The following DENND1B variants were observed in gnomAD, a reference collection of about 807,000 sequenced individuals.
The protein encoded by DENND1B is DENN domain-containing protein 1B.
A neutral mutation model predicts 90.1 loss-of-function variants in DENND1B; 59 were observed. That is an observed-to-expected ratio of 0.65 (90% CI 0.53 to 0.81). The LOEUF (loss-of-function observed/expected upper bound fraction) is 0.81. Among genes scored for constraint, DENND1B ranks in the 40% least tolerant of loss-of-function variants. The pLI is 0.00. For synonymous variants in DENND1B, 337 were observed against 324.6 expected (o/e 1.04, Z -0.41); for missense variants, 862 against 912.6 (o/e 0.94, Z 0.71).
chr1:197,539,515 A>T (rs796993380), intron 20 of DENND1B, among the ~76,000 whole-genome samples: 42 of 152,346 alleles, frequency 2.8e-4, no homozygotes, highest in African/African-American at 9.1e-4. Flanking sequence ...AAGAAGCTTT[A>T]ACTATTTATA....
chr1:197,620,001 TA>T (rs1462632226), intron 10 of DENND1B, among the ~76,000 whole-genome samples: 1 of 151,262 alleles, frequency 6.6e-6, no homozygotes, highest in African/African-American at 2.4e-5. Context: ...GTTCTGGAAC[TA>T]AGCAACCAGA....
In DENND1B at chr1:197,750,132, C is replaced by A. The variant is rs537376135; in HGVS notation, c.82+22736G>T. 6.6e-5 allele frequency among the ~76,000 whole-genome samples: 10 copies of A among 152,276 alleles called. No individual in the cohort carries two copies. In the South Asian group the frequency reaches 8.3e-4, roughly 13 times the overall value. On this transcript the variant is annotated intron_variant, in intron 2 of 22. Transcript: ENST00000620048. ...AAACTGCTGAGACTATAGGCGTGAG[C>A]CACCAGGCCTGGCCAGGATTTTCTT...
At chr1:197,673,187 T>C (rs748724105) in intron 4 of DENND1B, among the ~76,000 whole-genome samples, 5 of 152,068 alleles carry the variant, frequency 3.3e-5, no homozygotes, top group Non-Finnish European at 7.4e-5. Context: ...GTGACAAATG[T>C]GACCTCTAGT....
intron 11 of DENND1B, among the ~76,000 whole-genome samples, chr1:197,617,254 G>A (rs1368482325): frequency 6.6e-6 from 1 of 151,066 alleles, no homozygotes; most frequent in Non-Finnish European, 1.5e-5. Flanking sequence ...CTGAAGTAAA[G>A]GTAACAAGAG....
intron 3 of DENND1B, among the ~76,000 whole-genome samples, chr1:197,693,251 T>C (rs927751111): frequency 1.3e-5 from 2 of 151,676 alleles, no homozygotes; most frequent in African/African-American, 4.8e-5. Context: ...AGCTGCAATA[T>C]TGTCACTTAT....
At chr1:197,560,205 C>T (rs1215962400) in intron 15 of DENND1B, among the ~76,000 whole-genome samples, 1 of 151,812 alleles carries the variant, frequency 6.6e-6, no homozygotes, top group East Asian at 1.9e-4. Context: ...CTTATGATCA[C>T]CAGACCAAAA....
At chr1:197,652,745 G>A (rs1162914616) in intron 6 of DENND1B, among the ~76,000 whole-genome samples, 1 of 151,970 alleles carries the variant, frequency 6.6e-6, no homozygotes, top group Non-Finnish European at 1.5e-5. Context: ...AACAATTTAA[G>A]TAAGATTATT....
At chr1:197,707,914 G>C (rs1316921258) in intron 3 of DENND1B, among the ~76,000 whole-genome samples, 2 of 151,380 alleles carry the variant, frequency 1.3e-5, no homozygotes, top group South Asian at 4.1e-4. Context: ...TGCCTCACCT[G>C]GGAAGCGCAA....
chr1:197,573,302 C>G (rs868355270), intron 15 of DENND1B, among the ~76,000 whole-genome samples: 16 of 152,008 alleles, frequency 1.1e-4, no homozygotes, highest in African/African-American at 3.6e-4. Context: ...CCTCTACACA[C>G]TGCTTTGAAT....
chr1:197,599,593 C>T (rs1347784766), intron 13 of DENND1B, among the ~76,000 whole-genome samples: 1 of 151,692 alleles, frequency 6.6e-6, no homozygotes, highest in Admixed American at 6.6e-5. Context: ...TTTATTCTCC[C>T]TTGAATCATG....
intron 13 of DENND1B, chr1:197,606,440 C>T (rs1461181048): frequency 1.3e-5 from 2 of 151,224 alleles, no homozygotes; most frequent in Admixed American, 1.3e-4. Context: ...GCAGTCTTTG[C>T]TCTGCCAAAG....
chr1:197,608,419 A>G (rs1676882137), intron 12 of DENND1B, among the ~76,000 whole-genome samples: 1 of 150,656 alleles, frequency 6.6e-6, no homozygotes, highest in African/African-American at 2.4e-5. Flanking sequence ...CTACTGCAAA[A>G]ATATTTACAA....
At chr1:197,608,359 TAA>T (rs1676878021) in intron 12 of DENND1B, among the ~76,000 whole-genome samples, 2 of 150,620 alleles carry the variant, frequency 1.3e-5, no homozygotes, top group African/African-American at 4.8e-5. Flanking sequence ...TATAAAGACT[TAA>T]AAGATGGCCA....
At chr1:197,520,085 T>G (rs1362786869) in intron 20 of DENND1B, among the ~76,000 whole-genome samples, 4 of 151,910 alleles carry the variant, frequency 2.6e-5, no homozygotes, top group African/African-American at 7.2e-5. Context: ...GCAATAGAAA[T>G]CCATCTAATC....
chr1:197,764,562 G>A (rs1655470949), intron 2 of DENND1B, among the ~76,000 whole-genome samples: 1 of 152,034 alleles, frequency 6.6e-6, no homozygotes, highest in African/African-American at 2.4e-5. Context: ...AATTACAAGA[G>A]TATCAACACG....
chr1:197,556,603 T>C (rs1671737679), intron 15 of DENND1B, among the ~76,000 whole-genome samples: 1 of 151,982 alleles, frequency 6.6e-6, no homozygotes, highest in African/African-American at 2.4e-5. Context: ...TTTCCTATAG[T>C]ATAAATTAAC....
At chr1:197,528,704 C>CA (rs1410189653) in intron 20 of DENND1B, among the ~76,000 whole-genome samples, 6 of 151,658 alleles carry the variant, frequency 4.0e-5, no homozygotes, top group African/African-American at 7.3e-5. Flanking sequence ...ACTAAAAATA[C>CA]AAAAAATTAG....
At chr1:197,737,011 AGACT>A (rs1201307898) in intron 2 of DENND1B, among the ~76,000 whole-genome samples, 7 of 152,338 alleles carry the variant, frequency 4.6e-5, no homozygotes, top group Admixed American at 1.3e-4. Context: ...AAATCACTGA[AGACT>A]GACTAATTGC....
intron 5 of DENND1B, among the ~76,000 whole-genome samples, chr1:197,664,354 ACT>A (rs1393381461): frequency 2.0e-5 from 3 of 152,160 alleles, no homozygotes; most frequent in South Asian, 4.2e-4. Context: ...AATAACTGTG[ACT>A]CTCGCACTCT....
Sources: allele counts gnomAD v4.1 joint callset (sites outside exome capture counted in the v4.1 genomes callset), GRCh38; gene constraint gnomAD v4.1.1; transcripts MANE v1.5; gene names NCBI Gene and HGNC (gene_info 2026-07-23, HGNC 2026-07-21).